The following HAUS6 variants were observed in gnomAD, a reference collection of about 807,000 sequenced individuals.
The protein encoded by HAUS6 is HAUS augmin-like complex subunit 6.
A neutral mutation model predicts 106.8 loss-of-function variants in HAUS6; 80 were observed. That is an observed-to-expected ratio of 0.75 (90% confidence interval 0.63 to 0.90). The LOEUF is 0.90. Ranked by LOEUF, HAUS6 falls within the 40% of genes least tolerant of loss-of-function variation. HAUS6 has a pLI of 0.00. For synonymous variants in HAUS6, 356 were observed against 379.1 expected (o/e 0.94, Z 0.71); for missense variants, 1,155 against 1,118.1 (o/e 1.03, Z -0.47).
At chr9:19,096,374 G>C (rs965971299) in intron 2 of HAUS6, among the ~76,000 whole-genome samples, 19 of 152,044 alleles carry the variant, frequency 1.2e-4, no homozygotes, top group Non-Finnish European at 2.4e-4. Context: ...AGACCAGCCT[G>C]ACCAACAGGG....
chr9:19,098,841 G>A (rs1238050497), intron 1 of HAUS6, among the ~76,000 whole-genome samples: 2 of 151,990 alleles, frequency 1.3e-5, no homozygotes, highest in Non-Finnish European at 2.9e-5. Flanking sequence ...TGACCAACAT[G>A]GAGAAACCCC....
At chr9:19,096,110 A>T (rs1210424571) in intron 2 of HAUS6, among the ~76,000 whole-genome samples, 1 of 152,206 alleles carries the variant, frequency 6.6e-6, no homozygotes, top group Non-Finnish European at 1.5e-5. Context: ...AATGTTAAGA[A>T]ATCTATAAAA....
Position 19,094,366 on chromosome 9 carries a change from C to G in HAUS6, c.254G>C (p.Ser85Thr). ...GCAATGTTTTCGGAATTCAGTGTCA[C>G]TTTTTTGGTCAAATGGGGGCCAACA... ...KFCWPPFDQK[S>T]DTEFRKHCCE... Residue 85 changes from serine to threonine, a missense_variant, in exon 3 of 17, where the codon AGT becomes ACT. Ser to Thr is a moderately conservative substitution (Grantham distance 58). This residue lies in a region of HAUS6 where 761 missense variants were observed against 690.0 expected (regional missense o/e 1.10). Coordinates refer to ENST00000380502, the MANE Select transcript of HAUS6 (RefSeq NM_017645.5). 1 of 1,608,434 alleles carries G rather than the reference C, an allele frequency of 6.2e-7. No homozygotes were observed. Among genetic ancestry groups the G allele is most frequent in the South Asian group, 1.1e-5 (1 of 90,692 alleles).
At chr9:19,068,440 T>G (rs112205978) in intron 12 of HAUS6, among the ~76,000 whole-genome samples, 3 of 151,956 alleles carry the variant, frequency 2.0e-5, no homozygotes, top group Admixed American at 1.3e-4. Context: ...CAAATCCAGA[T>G]AGACTAAAAT....
At chr9:19,091,286 T>A (rs1185542459) in intron 4 of HAUS6, among the ~76,000 whole-genome samples, 1 of 148,046 alleles carries the variant, frequency 6.8e-6, no homozygotes, top group Admixed American at 6.9e-5. Context: ...GGCAACAGAG[T>A]GAGACTTCGT....
Position 19,053,337 on chromosome 9 carries a change from C to T in HAUS6, c.*3006G>A, listed in dbSNP as rs576565526. Reference sequence around the variant, plus strand: ...TTCAATGCTTTTACATTGAGGAAAACGTCATTAAACGTATTTTAATTTTAG... The same window carrying T: ...TTCAATGCTTTTACATTGAGGAAAATGTCATTAAACGTATTTTAATTTTAG... On this transcript the variant is annotated 3_prime_UTR_variant, in exon 17 of 17. Transcript: ENST00000380502. The T allele has an allele frequency of 5.8e-4, 88 of 152,204 alleles. No individual in the cohort carries two copies. Among genetic ancestry groups the T allele is most frequent in the Non-Finnish European group, 9.9e-4 (67 of 67,976 alleles). The allele number at this position is 152,204 out of a possible 1,614,324, so 9.4% of individuals were successfully genotyped here.
At chr9:19,079,411 G>A (rs1340995468) in intron 9 of HAUS6, among the ~76,000 whole-genome samples, 2 of 150,768 alleles carry the variant, frequency 1.3e-5, no homozygotes, top group Non-Finnish European at 3.0e-5. Context: ...GTGTCTTTTT[G>A]GTAGGGACGC....
chr9:19,085,022 G>T (rs1036180486), intron 7 of HAUS6, among the ~76,000 whole-genome samples: 1 of 152,002 alleles, frequency 6.6e-6, no homozygotes, highest in African/African-American at 2.4e-5. Flanking sequence ...TGAGCTCCTG[G>T]GCTCAAACAA....
chr9:19,102,276 T>G (rs1444574862), intron 1 of HAUS6, among the ~76,000 whole-genome samples: 4 of 152,104 alleles, frequency 2.6e-5, no homozygotes, highest in Non-Finnish European at 5.9e-5. Flanking sequence ...CCTCCAGTCT[T>G]GCACTCTCCC....
At chr9:19,066,972 A>C (rs1037777068) in intron 12 of HAUS6, among the ~76,000 whole-genome samples, 3 of 151,044 alleles carry the variant, frequency 2.0e-5, no homozygotes, top group Non-Finnish European at 2.9e-5. Flanking sequence ...GCACCACTGC[A>C]CTCCTGCCTG....
chr9:19,084,404 C>A (rs1837238172), intron 7 of HAUS6, among the ~76,000 whole-genome samples: 1 of 152,142 alleles, frequency 6.6e-6, no homozygotes, highest in South Asian at 2.1e-4. Flanking sequence ...TTCTAGGGTG[C>A]TGGTAACATC....
intron 12 of HAUS6, among the ~76,000 whole-genome samples, chr9:19,067,666 T>C (rs1836790877): frequency 6.6e-6 from 1 of 152,140 alleles, no homozygotes; most frequent in African/African-American, 2.4e-5. Flanking sequence ...GATAGTATCT[T>C]GGTACAAAAT....
chr9:19,063,273 G>T, intron 13 of HAUS6, 80 bp from the exon 14 acceptor site: 2 of 913,884 alleles, frequency 2.2e-6, no homozygotes, highest in East Asian at 2.5e-5. Flanking sequence ...CAGTTCACTG[G>T]TTATCATGAA....
Position 19,056,202 on chromosome 9 carries a change from G to C in HAUS6, c.*141C>G. 1 of 541,976 alleles carries C rather than the reference G, an allele frequency of 1.8e-6. No homozygotes were observed. The highest frequency in any genetic ancestry group is 3.3e-6 in the Non-Finnish European group (1 of 301,950). The allele number at this position is 541,976 out of a possible 1,614,324, so 33.6% of individuals were successfully genotyped here. A position where few individuals can be genotyped will look rare whatever the true frequency, so the allele number is the denominator to read the frequency against. On this transcript the variant is annotated 3_prime_UTR_variant, in exon 17 of 17. Transcript: ENST00000380502. ...TTCCTTACCTAAAAATATTAAAGAA[G>C]GCTAAAAGGCATTAGGAATTTTTTT... is the stretch of plus-strand genomic sequence containing the variant.
intron 1 of HAUS6, among the ~76,000 whole-genome samples, chr9:19,101,445 C>G (rs994359481): frequency 1.3e-5 from 2 of 151,976 alleles, no homozygotes; most frequent in Non-Finnish European, 2.9e-5. Context: ...GAGCTGTGAT[C>G]GCACAACTGC....
At chr9:19,077,748 T>A (rs1045517038) in intron 10 of HAUS6, among the ~76,000 whole-genome samples, 1 of 151,988 alleles carries the variant, frequency 6.6e-6, no homozygotes, top group African/African-American at 2.4e-5. Flanking sequence ...CAAATTGCCA[T>A]ATATGAAACT....
intron 12 of HAUS6, among the ~76,000 whole-genome samples, chr9:19,065,783 G>A (rs1245099357): frequency 6.6e-6 from 1 of 152,120 alleles, no homozygotes; most frequent in African/African-American, 2.4e-5. Context: ...AGCAGTTGCA[G>A]TGAGCCGAGA....
chr9:19,093,139 A>C (rs1172068518), intron 4 of HAUS6, 32 bp downstream of exon 4: 1 of 1,397,360 alleles, frequency 7.2e-7, no homozygotes, highest in Non-Finnish European at 9.8e-7. Context: ...TTTAAGAATC[A>C]AAACAAAAAA....
chr9:19,077,531 T>C (rs1837037208), intron 10 of HAUS6, among the ~76,000 whole-genome samples: 2 of 152,108 alleles, frequency 1.3e-5, no homozygotes, highest in Non-Finnish European at 2.9e-5. Context: ...CAAGACTCTG[T>C]CTCAAAAAAT....
Sources: gnomAD v4.1 joint callset for allele counts (sites outside exome capture counted in the v4.1 genomes callset) on GRCh38, gnomAD v4.1.1 for gene constraint, gnomAD v4.1.1 regional missense constraint, MANE v1.5 for transcripts, NCBI Gene and HGNC (gene_info 2026-07-23, HGNC 2026-07-21) for gene names.